The following MGAT4C variants were observed in gnomAD, a reference collection of about 807,000 sequenced individuals.
MGAT4C encodes the protein alpha-1,3-mannosyl-glycoprotein 4-beta-N-acetylglucosaminyltransferase C.
In MGAT4C, 19 loss-of-function variants were observed where a neutral mutation model predicts 40.1. That is an observed-to-expected ratio of 0.47 (90% CI 0.33 to 0.70). MGAT4C has a LOEUF of 0.70. Among genes scored for constraint, MGAT4C ranks in the 30% least tolerant of loss-of-function variants. MGAT4C has a pLI of 0.02. For synonymous variants in MGAT4C, 181 were observed against 187.1 expected (o/e 0.97, Z 0.27); for missense variants, 491 against 563.2 (o/e 0.87, Z 1.30).
chr12:86,711,089 C>T (rs1950548169), intron 2 of MGAT4C, among the ~76,000 whole-genome samples: 1 of 152,050 alleles, frequency 6.6e-6, no homozygotes, highest in Non-Finnish European at 1.5e-5. Context: ...GTACAGTGTA[C>T]ACTGGTCGGG....
At chr12:86,434,073 G>T (rs533465191) in intron 3 of MGAT4C, among the ~76,000 whole-genome samples, 1 of 151,930 alleles carries the variant, frequency 6.6e-6, no homozygotes, top group African/African-American at 2.4e-5. Context: ...AGCCTGGAAG[G>T]CTATTCTGGT....
At chr12:86,717,837 G>C (rs1049153369) in intron 2 of MGAT4C, among the ~76,000 whole-genome samples, 1 of 152,070 alleles carries the variant, frequency 6.6e-6, no homozygotes, top group African/African-American at 2.4e-5. Flanking sequence ...ATTCTAGAAC[G>C]TTCTTGTTTC....
chr12:86,016,495 G>A (rs1460235853), intron 2 of MGAT4C: 2 of 152,210 alleles, frequency 1.3e-5, no homozygotes, highest in East Asian at 3.9e-4. Context: ...GTGCCTGAAT[G>A]TGTCTCCCGG....
At chr12:86,675,288 C>G (rs773381202) in intron 2 of MGAT4C, among the ~76,000 whole-genome samples, 16 of 152,274 alleles carry the variant, frequency 1.1e-4, no homozygotes, top group Non-Finnish European at 2.2e-4. Context: ...AGACTACTCT[C>G]TCTTCGTAAA....
chr12:86,163,959 C>A (rs1389859688), intron 1 of MGAT4C, among the ~76,000 whole-genome samples: 6 of 152,048 alleles, frequency 3.9e-5, no homozygotes, highest in East Asian at 1.9e-4. Flanking sequence ...TAGTAGATAG[C>A]AAATTTGTAG....
rs71452145 is a variant in MGAT4C, at chr12:86,701,623, A to T, written c.-229+25586T>A. 5.5e-3 allele frequency among the ~76,000 whole-genome samples: 833 copies of T among 152,230 alleles called. 5 individuals are homozygous for T. The highest frequency in any genetic ancestry group is 9.2e-3 in the Non-Finnish European group (627 of 68,008). On this transcript the variant is annotated intron_variant, in intron 2 of 7. Transcript: ENST00000548651. The stretch of plus-strand genomic sequence containing the variant: ...TAGGCCAATTAGCAACCCTATAATG[A>T]TCTCTAAGGGTTGAAGTAAAAGAAA...
chr12:86,394,277 C>T (rs1956207940), intron 3 of MGAT4C, among the ~76,000 whole-genome samples: 1 of 151,820 alleles, frequency 6.6e-6, no homozygotes, highest in Admixed American at 6.6e-5. Context: ...TCAAGACATA[C>T]TAATGGATGA....
chr12:85,968,790 A>G lies in MGAT4C; in HGVS notation c.*10499T>C, dbSNP rs1445298509. The stretch of plus-strand genomic sequence containing the variant: ...AGCATGGAGCTCAGGAATGGGTGAA[A>G]TTCTTCCCCAGAGATGTTAATGAAC... On this transcript the variant is annotated 3_prime_UTR_variant, in exon 5 of 5. Coordinates refer to ENST00000611864, the MANE Select transcript of MGAT4C (RefSeq NM_001351288.2). The G allele has an allele frequency of 6.6e-6, 1 of 151,850 alleles. No homozygotes were observed. Among genetic ancestry groups the G allele is most frequent in the Non-Finnish European group, 1.5e-5 (1 of 67,842 alleles). 9.4% of individuals were successfully genotyped at this position (151,850 alleles called of 1,614,324 possible).
At chr12:86,117,559 G>C (rs1278939545) in intron 1 of MGAT4C, among the ~76,000 whole-genome samples, 1 of 152,052 alleles carries the variant, frequency 6.6e-6, no homozygotes, top group Admixed American at 6.6e-5. Flanking sequence ...AGGAATGTTA[G>C]AATGAATTTA....
At chr12:86,589,805 A>C (rs1474434232) in intron 2 of MGAT4C, among the ~76,000 whole-genome samples, 1 of 152,054 alleles carries the variant, frequency 6.6e-6, no homozygotes, top group Non-Finnish European at 1.5e-5. Flanking sequence ...GACAAAAACC[A>C]CATGATTATC....
At chr12:86,370,559 A>T (rs1304808666) in intron 3 of MGAT4C, among the ~76,000 whole-genome samples, 2 of 152,052 alleles carry the variant, frequency 1.3e-5, no homozygotes, top group Non-Finnish European at 2.9e-5. Flanking sequence ...AAACAGTAGA[A>T]AAGTATAGAT....
At chr12:86,569,313 A>C (rs1373331817) in intron 2 of MGAT4C, among the ~76,000 whole-genome samples, 1 of 152,126 alleles carries the variant, frequency 6.6e-6, no homozygotes, top group African/African-American at 2.4e-5. Context: ...TCCAAAATTT[A>C]CAGGGAATTT....
chr12:86,447,057 C>A (rs1957353003), intron 2 of MGAT4C, among the ~76,000 whole-genome samples: 2 of 151,846 alleles, frequency 1.3e-5, no homozygotes, highest in South Asian at 2.1e-4. Context: ...GAACAGTGAC[C>A]CTTCAACAGG....
intron 1 of MGAT4C, among the ~76,000 whole-genome samples, chr12:86,061,464 T>G (rs1241836585): frequency 1.1e-5 from 1 of 89,206 alleles, no homozygotes; most frequent in Admixed American, 1.3e-4. Flanking sequence ...ACTGCAGGAG[T>G]TTTTTTTTTG....
intron 3 of MGAT4C, among the ~76,000 whole-genome samples, chr12:86,345,108 C>A (rs1356489279): frequency 1.3e-5 from 2 of 151,618 alleles, no homozygotes; most frequent in Admixed American, 6.6e-5. Context: ...CAAATGATAC[C>A]CAACATAATG....
At chr12:86,330,570 A>G (rs750219502) in intron 4 of MGAT4C, among the ~76,000 whole-genome samples, 2 of 152,126 alleles carry the variant, frequency 1.3e-5, no homozygotes, top group African/African-American at 2.4e-5. Context: ...TGAATTCTCT[A>G]TTTATTTACA....
intron 3 of MGAT4C, among the ~76,000 whole-genome samples, chr12:86,372,690 A>G (rs1365251776): frequency 1.3e-5 from 2 of 151,928 alleles, no homozygotes; most frequent in Non-Finnish European, 2.9e-5. Context: ...ATTTAATTAA[A>G]TATATTTGGT....
At chr12:86,653,622 C>T (rs1963761202) in intron 2 of MGAT4C, among the ~76,000 whole-genome samples, 1 of 151,810 alleles carries the variant, frequency 6.6e-6, no homozygotes, top group Non-Finnish European at 1.5e-5. Flanking sequence ...AGAATCTCTG[C>T]CAATGAACAA....
intron 2 of MGAT4C, among the ~76,000 whole-genome samples, chr12:86,667,555 T>TA (rs1964145215): frequency 6.6e-6 from 1 of 152,220 alleles, no homozygotes; most frequent in Non-Finnish European, 1.5e-5. Context: ...TCTCTGTTAC[T>TA]ATTAAACATA....
Sources: allele counts gnomAD v4.1 joint callset (sites outside exome capture counted in the v4.1 genomes callset), GRCh38; gene constraint gnomAD v4.1.1; transcripts MANE v1.5; gene names NCBI Gene and HGNC (gene_info 2026-07-23, HGNC 2026-07-21).